TSC22D2: variants seen among roughly 807,000 people sequenced by gnomAD.
The protein encoded by TSC22D2 is TSC22 domain family protein 2.
Under a neutral mutation model 50.1 loss-of-function variants are expected in TSC22D2, and 5 were observed. That is an observed-to-expected ratio of 0.10 (90% CI 0.05 to 0.21). The LOEUF is 0.21. Among genes scored for constraint, TSC22D2 ranks in the 10% least tolerant of loss-of-function variants. The pLI, the probability that TSC22D2 is intolerant of heterozygous loss-of-function variation, is 1.00. For synonymous variants in TSC22D2, 501 were observed against 450.1 expected (o/e 1.11, Z -1.43); for missense variants, 1,003 against 1,015.5 (o/e 0.99, Z 0.17).
In TSC22D2 at chr3:150,410,833, G is replaced by A. The variant is rs751049613; in HGVS notation, c.1483G>A (p.Val495Ile). 1 of 1,613,698 alleles carries A rather than the reference G, an allele frequency of 6.2e-7. No homozygotes were observed. Among genetic ancestry groups the A allele is most frequent in the African/African-American group, 1.3e-5 (1 of 75,036 alleles). Residue 495 changes from valine to isoleucine, a missense_variant, in exon 1 of 3, where the codon GTA becomes ATA. Transcript: ENST00000688009. ...GGGTGGCAGTGGTCCGCTGTCAGCC[G>A]TACCTGGTGGCCCTCACGCCGTGGT... ...QMGGSGPLSA[V>I]PGGPHAVVPG...
At position 150,459,826 on chromosome 3, in the gene TSC22D2, TAAAA is replaced by T. The variant is rs34952294; in HGVS notation, c.*1207_*1210del. ...GAGCTAGTGTACAATACACTAGTTG[TAAAA>T]AAAAAAAAAAAAAAAAGTGAGCCAT... On this transcript the variant is annotated 3_prime_UTR_variant, in exon 3 of 3. Transcript: ENST00000688009. The T allele has an allele frequency of 0.28, 39,213 of 138,116 alleles. 5,697 individuals carry two copies. The highest frequency in any genetic ancestry group is 0.41 in the Middle Eastern group (113 of 274). 8.6% of individuals were successfully genotyped at this position (138,116 alleles called of 1,614,324 possible). A position where few individuals can be genotyped will look rare whatever the true frequency, so the allele number is the denominator to read the frequency against.
Position 150,461,071 on chromosome 3 carries a change from AACAT to A in TSC22D2, c.*2437_*2440del, listed in dbSNP as rs1363850700. The A allele has an allele frequency of 6.6e-6, 1 of 152,186 alleles. No individual in the cohort carries two copies. The highest frequency in any genetic ancestry group is 1.5e-5 in the Non-Finnish European group (1 of 68,036). The allele number at this position is 152,186 out of a possible 1,614,324, so 9.4% of individuals were successfully genotyped here. ...ATAAGTGTCCTAAGTAGCAGGACTTAACATAGAAAGAAAGACAGGCTTTCCTGTG... is the reference window on the plus strand; with the variant it reads ...ATAAGTGTCCTAAGTAGCAGGACTTAAGAAAGAAAGACAGGCTTTCCTGTG... On this transcript the variant is annotated 3_prime_UTR_variant, in exon 3 of 3. Coordinates refer to ENST00000688009, the MANE Select transcript of TSC22D2 (RefSeq NM_001303264.2).
At chr3:150,418,334 T>C (rs1222378280) in intron 1 of TSC22D2, among the ~76,000 whole-genome samples, 1 of 151,820 alleles carries the variant, frequency 6.6e-6, no homozygotes, top group Non-Finnish European at 1.5e-5. Flanking sequence ...TAATATAAGG[T>C]GCTAATGGGA....
At chr3:150,441,751 CTCAA>C (rs1308076328) in intron 1 of TSC22D2, among the ~76,000 whole-genome samples, 3 of 152,140 alleles carry the variant, frequency 2.0e-5, no homozygotes, top group Non-Finnish European at 2.9e-5. Context: ...GAGACTCAGT[CTCAA>C]TCAATCAATC....
intron 1 of TSC22D2, among the ~76,000 whole-genome samples, chr3:150,435,852 A>T (rs1720522152): frequency 6.6e-6 from 1 of 152,172 alleles, no homozygotes; most frequent in African/African-American, 2.4e-5. Context: ...ACTGTAGGGA[A>T]TATTTGGGAT....
rs1045256850 is a variant in TSC22D2 at position 150,461,227 on chromosome 3, T to G, written c.*2591T>G. On this transcript the variant is annotated 3_prime_UTR_variant, in exon 3 of 3. Transcript: ENST00000688009. ...AAAAATGCAGAATTATTGTGGTGTC[T>G]GCCCTCTGCTTTCCCATCATCCCCT... 1 of 152,200 alleles carries G rather than the reference T, an allele frequency of 6.6e-6. No homozygotes were observed. The highest frequency in any genetic ancestry group is 1.5e-5 in the Non-Finnish European group (1 of 68,042). The allele number at this position is 152,200 out of a possible 1,614,324, so 9.4% of individuals were successfully genotyped here.
chr3:150,445,863 A>G (rs1720870742), intron 1 of TSC22D2, among the ~76,000 whole-genome samples: 2 of 152,114 alleles, frequency 1.3e-5, no homozygotes, highest in Admixed American at 1.3e-4. Context: ...TGGGAGGCCG[A>G]GACAGGTGGA....
intron 1 of TSC22D2, among the ~76,000 whole-genome samples, chr3:150,417,583 A>ATATC (rs1461036827): frequency 6.6e-6 from 1 of 152,148 alleles, no homozygotes; most frequent in East Asian, 1.9e-4. Context: ...GTTGGTGTAG[A>ATATC]TGCCTTGTTT....
At chr3:150,417,459 T>C (rs1719854678) in intron 1 of TSC22D2, among the ~76,000 whole-genome samples, 1 of 152,090 alleles carries the variant, frequency 6.6e-6, no homozygotes, top group South Asian at 2.1e-4. Flanking sequence ...TTTGATCAAA[T>C]AAAACCAATA....
chr3:150,452,369 C>G (rs925122229), intron 1 of TSC22D2, among the ~76,000 whole-genome samples: 2 of 151,740 alleles, frequency 1.3e-5, no homozygotes, highest in Admixed American at 6.6e-5. Context: ...CGCTTGAACC[C>G]GGGAGGAAGA....
In TSC22D2 at chr3:150,410,118, G is replaced by A; in HGVS notation, c.768G>A (p.Glu256=). The change falls in exon 1 of 3, where the codon GAG becomes GAA. Residue 256 remains glutamate, a synonymous_variant. Transcript: ENST00000688009. ...CTGTGTCACAGCTACCCCCGTCGGA[G>A]AAAATGAGCCAGCCCACTCCGGCCC... ...LTAVSQLPPS[E]KMSQPTPAQP... is the part of the protein sequence containing the mutation. The A allele has an allele frequency of 6.2e-7, 1 of 1,612,632 alleles. No homozygotes were observed. The highest frequency in any genetic ancestry group is 1.7e-4 in the Middle Eastern group (1 of 6,058).
intron 1 of TSC22D2, among the ~76,000 whole-genome samples, chr3:150,425,167 A>T (rs1221955369): frequency 6.6e-6 from 1 of 150,520 alleles, no homozygotes; most frequent in African/African-American, 2.4e-5. Flanking sequence ...TAAATTTAGG[A>T]TTTTTTTTTT....
rs765672438 is a variant in TSC22D2, at chr3:150,409,942, T to A, written c.592T>A (p.Ser198Thr). The A allele has an allele frequency of 7.4e-6, 12 of 1,613,846 alleles. No homozygotes were observed. In the Admixed American group the frequency reaches 2.0e-4, roughly 27 times the overall value. Residue 198 changes from serine (S) to threonine (T), a missense_variant, in exon 1 of 3, where the codon TCC (serine) becomes ACC (threonine). Physicochemically the swap from Ser to Thr is moderately conservative, Grantham distance 58. Coordinates refer to ENST00000688009, the MANE Select transcript of TSC22D2 (RefSeq NM_001303264.2). The surrounding 1 kb of genome is among the most constrained non-coding windows in gnomAD (Gnocchi z 7.4). ...RDSDSSVLTR[S>T]GDCIRHSSTF... ...TTCAGACAGCAGCGTCCTGACTAGATCCGGGGATTGCATTAGACACAGCAG... is the reference window on the plus strand; with the variant it reads ...TTCAGACAGCAGCGTCCTGACTAGAACCGGGGATTGCATTAGACACAGCAG...
chr3:150,428,314 A>G (rs568432234), intron 1 of TSC22D2, among the ~76,000 whole-genome samples: 10 of 152,060 alleles, frequency 6.6e-5, no homozygotes, highest in African/African-American at 2.4e-4. Context: ...GTAGTTCTTA[A>G]GTGGGGGATG....
At chr3:150,438,107 T>C in intron 1 of TSC22D2, 1 of 279,890 alleles carries the variant, frequency 3.6e-6, no homozygotes, top group African/African-American at 2.2e-5. Context: ...AAATATCAGT[T>C]GTATAATCAT....
Position 150,460,858 on chromosome 3 carries a change from A to G in TSC22D2, c.*2222A>G, listed in dbSNP as rs1429953942. 1 of 152,144 alleles carries G rather than the reference A, an allele frequency of 6.6e-6. No individual in the cohort carries two copies. Among genetic ancestry groups the G allele is most frequent in the Non-Finnish European group, 1.5e-5 (1 of 68,018 alleles). 9.4% of individuals were successfully genotyped at this position (152,144 alleles called of 1,614,324 possible). ...GGAAAAACACTTCATAAACAAAGTA[A>G]TAGTCTCCAAGGAAATGAATAATAA... On this transcript the variant is annotated 3_prime_UTR_variant, in exon 3 of 3. Transcript: ENST00000688009.
At chr3:150,418,356 C>A (rs572022811) in intron 1 of TSC22D2, among the ~76,000 whole-genome samples, 1 of 151,968 alleles carries the variant, frequency 6.6e-6, no homozygotes, top group East Asian at 1.9e-4. Context: ...CAATTTGAGA[C>A]ATCAGATCAG....
intron 1 of TSC22D2, among the ~76,000 whole-genome samples, chr3:150,444,347 CTT>C (rs1288108563): frequency 5.3e-5 from 8 of 152,132 alleles, no homozygotes; most frequent in Admixed American, 5.2e-4. Context: ...TGTATTCTGT[CTT>C]TTTCTTCAAG....
At chr3:150,444,957 T>C (rs1277130235) in intron 1 of TSC22D2, among the ~76,000 whole-genome samples, 2 of 152,186 alleles carry the variant, frequency 1.3e-5, no homozygotes, top group African/African-American at 4.8e-5. Flanking sequence ...ATACCACTTT[T>C]CTTATTTGCT....
Sources: gnomAD v4.1 joint callset for allele counts (sites outside exome capture counted in the v4.1 genomes callset) on GRCh38, gnomAD v4.1.1 for gene constraint, Gnocchi (gnomAD v3.1) non-coding constraint, MANE v1.5 for transcripts, NCBI Gene and HGNC (gene_info 2026-07-23, HGNC 2026-07-21) for gene names.